SUCLG1: variants seen among roughly 807,000 people sequenced by gnomAD.
SUCLG1 encodes the protein succinate-CoA ligase GDP/ADP-forming subunit alpha.
A neutral mutation model predicts 37.3 loss-of-function variants in SUCLG1; 26 were observed. The ratio of observed to expected loss-of-function variants is 0.70; its 90% CI spans 0.51 to 0.97. SUCLG1 has a LOEUF of 0.97. Ranked by LOEUF, SUCLG1 falls within the 50% of genes least tolerant of loss-of-function variation. The pLI is 0.00. For synonymous variants in SUCLG1, 163 were observed against 155.6 expected, an observed-to-expected ratio of 1.05 and a Z score of -0.36; for missense variants, 433 against 432.9, an observed-to-expected ratio of 1.00 and a Z score of 0.00.
At chr2:84,433,259 T>C (rs1438391361) in intron 6 of SUCLG1, 93 bp downstream of exon 6, 1 of 1,083,776 alleles carries the variant, frequency 9.2e-7, no homozygotes, top group East Asian at 2.6e-5. Flanking sequence ...AGTATCAAAA[T>C]CTTTTGCAAA....
intron 7 of SUCLG1, chr2:84,425,865 C>T (rs1482903129): frequency 2.0e-6 from 1 of 499,752 alleles, no homozygotes; most frequent in Non-Finnish European, 3.6e-6. Flanking sequence ...TTCACAAATA[C>T]ACATGACGCT....
In SUCLG1 at chr2:84,441,271, C is replaced by T. The variant is rs1672768492; in HGVS notation, c.507G>A (p.Gly169=). 1.2e-6 allele frequency: 2 copies of T among 1,614,042 alleles called. No individual in the cohort carries two copies. Among genetic ancestry groups the T allele is most frequent in the Non-Finnish European group, 1.7e-6 (2 of 1,180,010 alleles). The part of the protein sequence containing the change: ...LLRQEKTRLI[G]PNCPGVINPG... ...CATTGATGACTCCAGGGCAGTTGGG[C>T]CCAATTAGCCTTGTCTTTTCCTGGC... Residue 169 remains glycine (G), a synonymous_variant, in exon 4 of 9, where the codon GGG becomes GGA. Transcript: ENST00000393868.
intron 3 of SUCLG1, among the ~76,000 whole-genome samples, chr2:84,442,032 A>G (rs1468462679): frequency 6.6e-6 from 1 of 152,240 alleles, no homozygotes; most frequent in Non-Finnish European, 1.5e-5. Context: ...ACTCATTCAA[A>G]AAGCCCTTTG....
At chr2:84,427,167 G>A (rs942272660) in intron 7 of SUCLG1, among the ~76,000 whole-genome samples, 5 of 152,148 alleles carry the variant, frequency 3.3e-5, no homozygotes, top group Admixed American at 1.3e-4. Context: ...TGTTATTTAA[G>A]CTGAAGTATA....
Position 84,441,105 on chromosome 2 carries a change from C to T in SUCLG1, c.532-1G>A. 6.2e-7 allele frequency: 1 copy of T among 1,614,010 alleles called. No homozygotes were observed. The highest frequency in any genetic ancestry group is 8.5e-7 in the Non-Finnish European group (1 of 1,179,998). The stretch of plus-strand genomic sequence containing the variant: ...TGATGCCAATTTTACATTCTCCAGG[C>T]TGAAAGTAATCATAGTTTTCAGAAA... On this transcript the variant is annotated splice_acceptor_variant, in intron 4 of 8. Transcript: ENST00000393868. LOFTEE classifies it high-confidence loss of function.
Position 84,433,451 on chromosome 2 carries a change from T to C in SUCLG1, c.590-16A>G. The C allele has an allele frequency of 2.5e-6, 4 of 1,607,354 alleles. No individual in the cohort carries two copies. The South Asian group carries it at 4.4e-5, about 18-fold the overall frequency. ...GACACAATGCCTTAACGAAAGAGAATTCAAAAATATTAGATTGTGTTTCTA... is the reference window on the plus strand; with the variant it reads ...GACACAATGCCTTAACGAAAGAGAACTCAAAAATATTAGATTGTGTTTCTA... On this transcript the variant is annotated splice_polypyrimidine_tract_variant and intron_variant, in intron 5 of 8. Transcript: ENST00000393868.
intron 7 of SUCLG1, among the ~76,000 whole-genome samples, chr2:84,429,060 A>G (rs1331026999): frequency 6.6e-6 from 1 of 152,244 alleles, no homozygotes; most frequent in African/African-American, 2.4e-5. Context: ...CATCATTGTA[A>G]TGATAACAAG....
At chr2:84,431,482 C>T (rs763792155) in intron 7 of SUCLG1, 26 bp downstream of exon 7, 68 of 1,613,496 alleles carry the variant, frequency 4.2e-5, no homozygotes, top group South Asian at 2.4e-4. Context: ...GAGCAAAGAG[C>T]TATGTTTTTC....
intron 2 of SUCLG1, 93 bp from the exon 3 acceptor site, chr2:84,443,493 C>G: frequency 9.9e-7 from 1 of 1,009,158 alleles, no homozygotes. Flanking sequence ...AAAAGAAAAA[C>G]AAATAGGTTA....
intron 1 of SUCLG1, among the ~76,000 whole-genome samples, chr2:84,456,713 G>A (rs970418876): frequency 2.0e-5 from 3 of 152,044 alleles, no homozygotes; most frequent in African/African-American, 7.3e-5. Context: ...GCCCAGGCTG[G>A]AGTACAGTGG....
intron 8 of SUCLG1, 128 bp from the exon 9 acceptor site, chr2:84,423,900 A>T (rs1020224781): frequency 8.1e-6 from 8 of 985,576 alleles, no homozygotes; most frequent in Non-Finnish European, 1.2e-5. Context: ...CAAATTACAG[A>T]AGAAAAATGT....
At chr2:84,433,210 A>C in intron 6 of SUCLG1, 142 bp downstream of exon 6, 1 of 788,276 alleles carries the variant, frequency 1.3e-6, no homozygotes, top group Non-Finnish European at 2.2e-6. Flanking sequence ...TTTACACTTA[A>C]GCAAATTAAA....
chr2:84,423,736 T>A lies in SUCLG1; in HGVS notation c.*10A>T. ...ATCCATTCCACAGTTTTAGGAATTT[T>A]TTTTTTCTTTCATAGCATCTTCCTC... On this transcript the variant is annotated 3_prime_UTR_variant, in exon 9 of 9. Transcript: ENST00000393868. 1 of 1,601,546 alleles carries A rather than the reference T, an allele frequency of 6.2e-7. No individual in the cohort carries two copies. The highest frequency in any genetic ancestry group is 1.1e-5 in the South Asian group (1 of 89,652).
In SUCLG1 at chr2:84,423,598, A is replaced by G; in HGVS notation, c.*148T>C. On this transcript the variant is annotated 3_prime_UTR_variant, in exon 9 of 9. Transcript: ENST00000393868. Reference sequence around the variant, plus strand: ...TGGTGAAAACATCTTAATTCAGGACATCTTCCACCTTGTTTTGGCTTCCAG... The same window carrying G: ...TGGTGAAAACATCTTAATTCAGGACGTCTTCCACCTTGTTTTGGCTTCCAG... The G allele has an allele frequency of 1.3e-6, 1 of 752,124 alleles. No homozygotes were observed. Among genetic ancestry groups the G allele is most frequent in the Non-Finnish European group, 2.4e-6 (1 of 424,548 alleles). 46.6% of individuals were successfully genotyped at this position (752,124 alleles called of 1,614,324 possible).
rs540232445 is a variant in SUCLG1, at chr2:84,443,318, T to G, written c.284A>C (p.His95Pro). Residue 95 changes from histidine (H) to proline (P), a missense_variant, in exon 3 of 9, where the codon CAT becomes CCT. His to Pro is a moderately conservative substitution (Grantham distance 77, BLOSUM62 -2). Transcript: ENST00000393868. ...AGTATTAAAGACAGGTAAGCCCAGATGTGTCTGGCCTCCTTTCCCTGGAGT... is the reference window on the plus strand; with the variant it reads ...AGTATTAAAGACAGGTAAGCCCAGAGGTGTCTGGCCTCCTTTCCCTGGAGT... ...GTTPGKGGQT[H>P]LGLPVFNTVK... The G allele has an allele frequency of 5.0e-6, 8 of 1,614,002 alleles. No homozygotes were observed. Among genetic ancestry groups the G allele is most frequent in the Admixed American group, 1.7e-5 (1 of 60,014 alleles).
At chr2:84,426,682 C>T (rs527645101) in intron 7 of SUCLG1, 5 of 151,732 alleles carry the variant, frequency 3.3e-5, no homozygotes, top group African/African-American at 7.3e-5. Context: ...AAAAAGATAC[C>T]ATAAACTAAT....
chr2:84,459,024 T>A (rs908784377), intron 1 of SUCLG1, 149 bp downstream of exon 1: 53 of 756,762 alleles, frequency 7.0e-5, no homozygotes, highest in Non-Finnish European at 9.4e-5. Flanking sequence ...ACCGTAGGGG[T>A]CCCCGACTCG....
intron 1 of SUCLG1, among the ~76,000 whole-genome samples, chr2:84,450,805 AACTGAAAG>A (rs2104265405): frequency 6.6e-6 from 1 of 152,328 alleles, no homozygotes; most frequent in South Asian, 2.1e-4. Context: ...CACATTACAT[AACTGAAAG>A]AGCAACAACA....
intron 1 of SUCLG1, among the ~76,000 whole-genome samples, chr2:84,451,555 G>A (rs562660303): frequency 6.6e-6 from 1 of 152,274 alleles, no homozygotes; most frequent in African/African-American, 2.4e-5. Context: ...ACAGACCAAC[G>A]AAGATCTCTG....
Sources: gnomAD v4.1 joint callset for allele counts (sites outside exome capture counted in the v4.1 genomes callset) on GRCh38, gnomAD v4.1.1 for gene constraint, MANE v1.5 for transcripts, NCBI Gene and HGNC (gene_info 2026-07-23, HGNC 2026-07-21) for gene names.